Variants in COL4A1 observed in about 807,000 individuals in gnomAD.
The protein encoded by COL4A1 is collagen type IV alpha 1 chain, also known as collagen alpha-1(IV) chain.
A neutral mutation model predicts 216.6 loss-of-function variants in COL4A1; 40 were observed. The ratio of observed to expected loss-of-function variants is 0.18; its 90% CI spans 0.14 to 0.24. COL4A1 has a LOEUF of 0.24. Among genes scored for constraint, COL4A1 ranks in the 10% least tolerant of loss-of-function variants. The pLI is 1.00. For synonymous variants in COL4A1, 839 were observed against 810.7 expected (o/e 1.03, Z -0.59); for missense variants, 1,628 against 2,196.8 (o/e 0.74, Z 5.18).
intron 21 of COL4A1, 40 bp from the exon 22 acceptor site, chr13:110,195,158 T>C: frequency 6.4e-7 from 1 of 1,550,940 alleles, no homozygotes; most frequent in Non-Finnish European, 8.9e-7. Context: ...CATAGCTAGG[T>C]GTTTTTACCC....
intron 1 of COL4A1, among the ~76,000 whole-genome samples, chr13:110,247,345 AAATAC>A (rs1326244448): frequency 6.6e-5 from 10 of 152,220 alleles, no homozygotes; most frequent in African/African-American, 2.2e-4. Context: ...CGAAAACAAA[AAATAC>A]AATATGAAAG....
chr13:110,206,312 T>C (rs1879512837), intron 15 of COL4A1, among the ~76,000 whole-genome samples: 1 of 152,214 alleles, frequency 6.6e-6, no homozygotes, highest in East Asian at 1.9e-4. Context: ...CTCTCAGGCT[T>C]GTGGCTGTGC....
At chr13:110,264,615 T>C (rs1280188739) in intron 1 of COL4A1, among the ~76,000 whole-genome samples, 2 of 152,248 alleles carry the variant, frequency 1.3e-5, no homozygotes, top group African/African-American at 2.4e-5. Flanking sequence ...TTCCATACTT[T>C]AATTAAATCC....
In COL4A1 at chr13:110,187,326, G is replaced by A. The variant is rs1490237511; in HGVS notation, c.1540C>T (p.Pro514Ser). Residue 514 changes from proline (P) to serine (S), a missense_variant, in exon 25 of 52, where the codon CCT (proline) becomes TCT (serine). By Grantham distance (74) the Pro-to-Ser change is moderately conservative. Coordinates refer to ENST00000375820, the MANE Select transcript of COL4A1 (RefSeq NM_001845.6). ...GRDGVAGVPG[P>S]QGTPGLIGQP... is the part of the protein sequence containing the mutation. ...CCTATCAGCCCTGGTGTACCTTGAGGGCCCTGTAAGAACAAAGCCTTGTGA... is the reference window on the plus strand; with the variant it reads ...CCTATCAGCCCTGGTGTACCTTGAGAGCCCTGTAAGAACAAAGCCTTGTGA... The A allele has an allele frequency of 6.2e-7, 1 of 1,612,092 alleles. No individual in the cohort carries two copies. Among genetic ancestry groups the A allele is most frequent in the Non-Finnish European group, 8.5e-7 (1 of 1,179,842 alleles).
At chr13:110,254,269 T>C (rs1566419645) in intron 1 of COL4A1, among the ~76,000 whole-genome samples, 1 of 152,114 alleles carries the variant, frequency 6.6e-6, no homozygotes, top group Admixed American at 6.6e-5. Context: ...TCCAAACAAA[T>C]GGTCTAGCTT....
In COL4A1 at chr13:110,255,902, G is replaced by GA. The variant is rs35617070; in HGVS notation, c.85-13169dup. ...GGAAGGGAGGGGGAAGGCAGGAAGG[G>GA]AGGGGGAAGGCAGGAAGGGAGGGGG... On this transcript the variant is annotated intron_variant, in intron 1 of 51. Coordinates refer to ENST00000375820, the MANE Select transcript of COL4A1 (RefSeq NM_001845.6). 1.0e-3 allele frequency among the ~76,000 whole-genome samples: 86 copies of GA among 85,246 alleles called. 11 individuals carry two copies. The highest frequency in any genetic ancestry group is 3.8e-3 in the African/African-American group (73 of 19,226). The allele number at this position is 85,246 out of a possible 152,430, so 55.9% of individuals were successfully genotyped here.
chr13:110,238,611 TG>T (rs1437298141), intron 2 of COL4A1, among the ~76,000 whole-genome samples: 1 of 152,216 alleles, frequency 6.6e-6, no homozygotes, highest in Non-Finnish European at 1.5e-5. Context: ...CAGATTCTCC[TG>T]GAATGTGATG....
chr13:110,173,855 G>C (rs1877752932), intron 40 of COL4A1, 45 bp downstream of exon 40: 1 of 1,609,520 alleles, frequency 6.2e-7, no homozygotes, highest in Non-Finnish European at 8.5e-7. Flanking sequence ...GTCTCTGGGA[G>C]TGGACACTGC....
intron 44 of COL4A1, 140 bp from the exon 45 acceptor site, chr13:110,166,443 A>AG: frequency 1.4e-6 from 1 of 729,664 alleles, no homozygotes; most frequent in Non-Finnish European, 2.5e-6. Flanking sequence ...ACATATACTC[A>AG]TATATGCATA....
intron 1 of COL4A1, among the ~76,000 whole-genome samples, chr13:110,248,207 C>T (rs972080106): frequency 5.3e-5 from 8 of 152,304 alleles, no homozygotes; most frequent in Middle Eastern, 3.4e-3. Flanking sequence ...AAATAATTCC[C>T]TACCCAACTA....
intron 2 of COL4A1, among the ~76,000 whole-genome samples, chr13:110,231,331 T>G (rs1454418244): frequency 6.6e-6 from 1 of 152,200 alleles, no homozygotes; most frequent in African/African-American, 2.4e-5. Context: ...TCCATGGACA[T>G]TTCTCAAAGC....
intron 1 of COL4A1, among the ~76,000 whole-genome samples, chr13:110,281,634 ATTTGGG>A (rs1883638447): frequency 1.3e-5 from 2 of 152,224 alleles, no homozygotes; most frequent in Non-Finnish European, 2.9e-5. Flanking sequence ...ACTAGTCAAG[ATTTGGG>A]TAGACCCTTG....
chr13:110,178,337 C>T (rs1192618095), intron 31 of COL4A1, 106 bp from the exon 32 acceptor site: 13 of 1,395,236 alleles, frequency 9.3e-6, no homozygotes, highest in Admixed American at 3.7e-5. Context: ...CCCGTGAGCA[C>T]GCCCACACTG....
At chr13:110,260,804 C>CT (rs1440636842) in intron 1 of COL4A1, among the ~76,000 whole-genome samples, 1 of 152,066 alleles carries the variant, frequency 6.6e-6, no homozygotes, top group Non-Finnish European at 1.5e-5. Flanking sequence ...AATCCCAGCA[C>CT]TTTGGGAGGC....
In COL4A1 at chr13:110,167,238, C is replaced by T. The variant is rs370539477; in HGVS notation, c.3877-8G>A. ...TGGAGAGCCACCAATACCCTAGACA[C>T]GCAAAGAGGAGGTTGGGAATTGCTC... is the stretch of plus-strand genomic sequence containing the variant. On this transcript the variant is annotated splice_region_variant and splice_polypyrimidine_tract_variant and intron_variant, in intron 43 of 51. Coordinates refer to ENST00000375820, the MANE Select transcript of COL4A1 (RefSeq NM_001845.6). 474 of 1,609,528 alleles carry T rather than the reference C, an allele frequency of 2.9e-4. 1 individual carries two copies. In the African/African-American group the frequency reaches 4.9e-3, roughly 17 times the overall value.
At chr13:110,152,014 T>C (rs1180238593) in intron 51 of COL4A1, among the ~76,000 whole-genome samples, 1 of 152,194 alleles carries the variant, frequency 6.6e-6, no homozygotes, top group Non-Finnish European at 1.5e-5. Context: ...CTCCCCGGGA[T>C]TGTTAAATAT....
chr13:110,299,949 G>A (rs777365586), intron 1 of COL4A1, among the ~76,000 whole-genome samples: 7 of 152,064 alleles, frequency 4.6e-5, no homozygotes, highest in Non-Finnish European at 8.8e-5. Flanking sequence ...TGGTGCTCTT[G>A]GATGATATGA....
intron 24 of COL4A1, among the ~76,000 whole-genome samples, chr13:110,189,084 AC>A (rs1878520808): frequency 6.6e-6 from 1 of 151,996 alleles, no homozygotes; most frequent in Admixed American, 6.6e-5. Context: ...TTTTGTTGAG[AC>A]AGATTTTCGC....
At chr13:110,213,052 G>A (rs1351797286) in intron 4 of COL4A1, among the ~76,000 whole-genome samples, 2 of 152,172 alleles carry the variant, frequency 1.3e-5, no homozygotes. Context: ...TCACGTATAA[G>A]TGGCGTCTAA....
Sources: gnomAD v4.1 joint callset for allele counts (sites outside exome capture counted in the v4.1 genomes callset) on GRCh38, gnomAD v4.1.1 for gene constraint, MANE v1.5 for transcripts, NCBI Gene and HGNC (gene_info 2026-07-23, HGNC 2026-07-21) for gene names.